ZNF346: variants seen among roughly 807,000 people sequenced by gnomAD.
The protein encoded by ZNF346 is double-stranded RNA-binding zinc finger protein JAZ.
Under a neutral mutation model 33.7 loss-of-function variants are expected in ZNF346, and 23 were observed. That is an observed-to-expected ratio of 0.68 (90% confidence interval 0.49 to 0.97). The LOEUF (loss-of-function observed/expected upper bound fraction) is 0.97. ZNF346 is among the 50% of genes least tolerant of loss of function. ZNF346 has a pLI of 0.00. For synonymous variants in ZNF346, 134 were observed against 142.4 expected (o/e 0.94, Z 0.42); for missense variants, 340 against 371.1 (o/e 0.92, Z 0.69).
At chr5:177,051,175 T>C (rs901798378) in intron 5 of ZNF346, among the ~76,000 whole-genome samples, 22 of 141,466 alleles carry the variant, frequency 1.6e-4, no homozygotes, top group Non-Finnish European at 2.8e-4. Flanking sequence ...CTTTTCTTTT[T>C]TTTTTTTTTT....
At position 177,041,224 on chromosome 5, in the gene ZNF346, TAC is replaced by T; in HGVS notation, c.275_276del (p.Tyr92SerfsTer48). The T allele has an allele frequency of 6.2e-7, 1 of 1,612,954 alleles. No homozygotes were observed. The highest frequency in any genetic ancestry group is 8.5e-7 in the Non-Finnish European group (1 of 1,178,868). ...TTCTGAGTCCCAGAAGCTGGCACATTACCAGGTATGCCATCATACTTTTAGAA... is the reference window on the plus strand; with the variant it reads ...TTCTGAGTCCCAGAAGCTGGCACATTCAGGTATGCCATCATACTTTTAGAA... ...LISESQKLAH[Y>X]QSKKHANKVK... On this transcript the variant is annotated frameshift_variant, in exon 2 of 7. Transcript: ENST00000358149. LOFTEE classifies it high-confidence loss of function.
At chr5:177,049,216 TC>T (rs777215255) in intron 4 of ZNF346, among the ~76,000 whole-genome samples, 51 of 152,316 alleles carry the variant, frequency 3.3e-4, no homozygotes, top group Non-Finnish European at 5.9e-4. Context: ...AAACTGAAAT[TC>T]CCTATACTAG....
chr5:177,044,258 T>C lies in ZNF346; in HGVS notation c.373-131T>C, dbSNP rs1779742567. 2.0e-5 allele frequency: 20 copies of C among 979,768 alleles called. No homozygotes were observed. The South Asian group carries it at 3.0e-4, about 15-fold the overall frequency. The allele number at this position is 979,768 out of a possible 1,614,324, so 60.7% of individuals were successfully genotyped here. On this transcript the variant is annotated intron_variant, in intron 3 of 6. Coordinates refer to ENST00000358149, the MANE Select transcript of ZNF346 (RefSeq NM_012279.4). ...GGGACAAAGTAGCTGGAGAAGAATC[T>C]AGAAAGTAGGTTGGGGTTAATGTGT... is the stretch of plus-strand genomic sequence containing the variant.
At chr5:177,050,038 T>C (rs995490315) in intron 4 of ZNF346, among the ~76,000 whole-genome samples, 2 of 152,222 alleles carry the variant, frequency 1.3e-5, no homozygotes, top group African/African-American at 2.4e-5. Context: ...GGTTTCACCA[T>C]GTTGGCCAGG....
chr5:177,043,020 T>A (rs1779559534), intron 3 of ZNF346, among the ~76,000 whole-genome samples: 1 of 152,104 alleles, frequency 6.6e-6, no homozygotes, highest in South Asian at 2.1e-4. Flanking sequence ...CCCAGCTAAT[T>A]TTTGTATTTT....
At chr5:177,049,983 C>T (rs1258188937) in intron 4 of ZNF346, among the ~76,000 whole-genome samples, 1 of 152,110 alleles carries the variant, frequency 6.6e-6, no homozygotes, top group African/African-American at 2.4e-5. Flanking sequence ...ATTACAGGCA[C>T]ACGCCACCAT....
intron 8 of ZNF346, among the ~76,000 whole-genome samples, chr5:177,075,602 G>A (rs1345763788): frequency 2.6e-5 from 4 of 152,014 alleles, no homozygotes; most frequent in East Asian, 3.9e-4. Context: ...CTGCAGCCTC[G>A]ATCTCCTGGG....
At chr5:177,032,709 C>T (rs551456128) in intron 1 of ZNF346, among the ~76,000 whole-genome samples, 5 of 152,264 alleles carry the variant, frequency 3.3e-5, no homozygotes, top group African/African-American at 1.2e-4. Flanking sequence ...CCATGCCCGG[C>T]CTCTTCATGC....
chr5:177,044,837 A>G (rs1779823020), intron 4 of ZNF346, among the ~76,000 whole-genome samples: 1 of 152,154 alleles, frequency 6.6e-6, no homozygotes, highest in East Asian at 1.9e-4. Flanking sequence ...AGAGCATTCT[A>G]TCTCCTACCT....
At chr5:177,056,972 G>A (rs1781770396) in intron 5 of ZNF346, among the ~76,000 whole-genome samples, 1 of 152,168 alleles carries the variant, frequency 6.6e-6, no homozygotes, top group Admixed American at 6.5e-5. Flanking sequence ...TTCATTTTAT[G>A]CTAGTTATTT....
chr5:177,057,561 C>A (rs1562022282), intron 5 of ZNF346, among the ~76,000 whole-genome samples: 1 of 151,774 alleles, frequency 6.6e-6, no homozygotes, highest in Non-Finnish European at 1.5e-5. Flanking sequence ...ACATGCAAAA[C>A]CCTGTCTCTA....
downstream of ZNF346, among the ~76,000 whole-genome samples, chr5:177,068,983 C>T (rs1783368142): frequency 7.0e-6 from 1 of 143,330 alleles, no homozygotes; most frequent in African/African-American, 3.0e-5. Context: ...TGCCAGGTCC[C>T]TAAAACATTC....
chr5:177,042,886 A>G (rs1285122527), intron 3 of ZNF346, among the ~76,000 whole-genome samples: 2 of 151,800 alleles, frequency 1.3e-5, no homozygotes, highest in Non-Finnish European at 2.9e-5. Flanking sequence ...ACACACCACC[A>G]CGCCTGGCTA....
chr5:177,040,313 G>A, intron 1 of ZNF346, among the ~76,000 whole-genome samples: 1 of 152,036 alleles, frequency 6.6e-6, no homozygotes, highest in South Asian at 2.1e-4. Context: ...GTTTCATATA[G>A]TGTGGCACTT....
chr5:177,042,874 G>GCA (rs1446842819), intron 3 of ZNF346, among the ~76,000 whole-genome samples: 1 of 152,040 alleles, frequency 6.6e-6, no homozygotes. Context: ...AGGACTACAG[G>GCA]CACACACCAC....
At chr5:177,024,453 C>T (rs1401173491) in intron 1 of ZNF346, among the ~76,000 whole-genome samples, 1 of 152,138 alleles carries the variant, frequency 6.6e-6, no homozygotes, top group East Asian at 1.9e-4. Flanking sequence ...CCGCCTTGAC[C>T]TCCCAAAGTG....
intron 1 of ZNF346, among the ~76,000 whole-genome samples, chr5:177,026,622 G>A (rs898092537): frequency 6.6e-5 from 10 of 152,072 alleles, no homozygotes; most frequent in African/African-American, 1.9e-4. Context: ...TTGGCCTCCC[G>A]AAGTGTTGGG....
At chr5:177,064,479 T>C (rs368956022) in intron 6 of ZNF346, 33 bp from the exon 7 acceptor site, 1 of 1,567,092 alleles carries the variant, frequency 6.4e-7, no homozygotes, top group African/African-American at 1.4e-5. Context: ...TGCCACACAC[T>C]GACCCTCTTC....
At chr5:177,044,670 C>A in intron 4 of ZNF346, 137 bp downstream of exon 4, 1 of 840,298 alleles carries the variant, frequency 1.2e-6, no homozygotes. Flanking sequence ...TTAAAAATCT[C>A]CAAGTAGACC....
Sources: allele counts gnomAD v4.1 joint callset (sites outside exome capture counted in the v4.1 genomes callset), GRCh38; gene constraint gnomAD v4.1.1; transcripts MANE v1.5; gene names NCBI Gene and HGNC (gene_info 2026-07-23, HGNC 2026-07-21).